TMC7: variants seen among roughly 807,000 people sequenced by gnomAD.
The protein encoded by TMC7 is transmembrane channel like 7.
In TMC7, 54 loss-of-function variants were observed where a neutral mutation model predicts 82.9. The observed-to-expected ratio is 0.65, with a 90% CI of 0.52 to 0.82. TMC7 has a LOEUF of 0.82. Ranked by LOEUF, TMC7 falls within the 40% of genes least tolerant of loss-of-function variation. TMC7 has a pLI of 0.00. For synonymous variants in TMC7, 350 were observed against 337.9 expected (o/e 1.04, Z -0.39); for missense variants, 820 against 901.2 (o/e 0.91, Z 1.15).
chr16:18,992,038 A>T (rs550693327), intron 1 of TMC7, among the ~76,000 whole-genome samples: 1 of 152,326 alleles, frequency 6.6e-6, no homozygotes, highest in Admixed American at 6.5e-5. Flanking sequence ...GCTATCGTGA[A>T]TAGTGCCACG....
chr16:19,028,350 C>T (rs547896075), intron 5 of TMC7, among the ~76,000 whole-genome samples: 1 of 151,434 alleles, frequency 6.6e-6, no homozygotes, highest in East Asian at 1.9e-4. Context: ...GCCTGGGCAA[C>T]ATGGCGAGAC....
Position 19,045,416 on chromosome 16 carries a change from C to A in TMC7, c.1531C>A (p.Leu511Ile). Reference protein sequence around the residue: ...FDFIIILAVTLFVDFPRKLLV... With the variant: ...FDFIIILAVTIFVDFPRKLLV... ...CTTCATCATCATCTTGGCTGTGACA[C>A]TCTTCGTGGATTTTCCTAGAAAGTA... The change falls in exon 11 of 16, where the codon CTC becomes ATC. Residue 511 changes from leucine to isoleucine, a missense_variant. Coordinates refer to ENST00000304381, the MANE Select transcript of TMC7 (RefSeq NM_024847.4). 1 of 1,613,800 alleles carries A rather than the reference C, an allele frequency of 6.2e-7. No homozygotes were observed. Among genetic ancestry groups the A allele is most frequent in the South Asian group, 1.1e-5 (1 of 91,070 alleles).
intron 1 of TMC7, chr16:18,984,597 T>C (rs1217673822): frequency 1.1e-6 from 1 of 875,878 alleles, no homozygotes; most frequent in Non-Finnish European, 1.4e-6. Flanking sequence ...TGGCTTGCCT[T>C]CTCTGAGCCT....
At chr16:18,986,056 A>T in intron 1 of TMC7, among the ~76,000 whole-genome samples, 1 of 150,904 alleles carries the variant, frequency 6.6e-6, no homozygotes, top group East Asian at 2.0e-4. Context: ...AGAGGTATGT[A>T]TCCTTCTAAA....
intron 1 of TMC7, among the ~76,000 whole-genome samples, chr16:19,000,432 A>G (rs1287154777): frequency 2.0e-5 from 3 of 151,978 alleles, no homozygotes; most frequent in African/African-American, 4.8e-5. Context: ...GCGCCACTGC[A>G]CCACTGCACT....
At chr16:18,995,106 C>T (rs2039021154) in intron 1 of TMC7, among the ~76,000 whole-genome samples, 1 of 152,034 alleles carries the variant, frequency 6.6e-6, no homozygotes, top group Non-Finnish European at 1.5e-5. Flanking sequence ...AATGTCTCAT[C>T]CTAATAAGAG....
intron 6 of TMC7, among the ~76,000 whole-genome samples, chr16:19,030,940 C>T (rs1344777188): frequency 1.3e-5 from 2 of 152,014 alleles, no homozygotes; most frequent in East Asian, 1.9e-4. Flanking sequence ...CATACCCCTT[C>T]CTTTGCTTAG....
Position 19,009,188 on chromosome 16 carries a change from C to T in TMC7, c.84C>T (p.Asp28=). Residue 28 remains aspartate, a synonymous_variant, in exon 2 of 16, where the codon GAC becomes GAT. Transcript: ENST00000304381. ...PAVHPENLSL[D]SSCFSSPPVN... is the part of the protein sequence containing the mutation. ...TTTACATAGAGAACCTCTCTCTAGACTCCAGTTGCTTCTCTTCTCCACCTG... is the reference window on the plus strand; with the variant it reads ...TTTACATAGAGAACCTCTCTCTAGATTCCAGTTGCTTCTCTTCTCCACCTG... The T allele has an allele frequency of 3.1e-6, 5 of 1,614,130 alleles. No individual in the cohort carries two copies. Among genetic ancestry groups the T allele is most frequent in the Non-Finnish European group, 3.4e-6 (4 of 1,180,000 alleles).
intron 3 of TMC7, among the ~76,000 whole-genome samples, chr16:19,018,758 A>C (rs1383428613): frequency 6.6e-6 from 1 of 152,208 alleles, no homozygotes; most frequent in Non-Finnish European, 1.5e-5. Context: ...TAACATAGTA[A>C]GATCCTGTCT....
chr16:19,036,514 G>GAA (rs768809502), intron 7 of TMC7, among the ~76,000 whole-genome samples: 2 of 121,020 alleles, frequency 1.7e-5, no homozygotes, highest in East Asian at 4.7e-4. Context: ...TCTCAAAAAA[G>GAA]AAAAAAAAAG....
chr16:19,004,942 ATCC>A (rs1365946765), intron 1 of TMC7, among the ~76,000 whole-genome samples: 4 of 152,024 alleles, frequency 2.6e-5, no homozygotes, highest in East Asian at 1.9e-4. Flanking sequence ...GGCTCAAGCA[ATCC>A]TCCTGCTTTA....
At position 19,009,286 on chromosome 16, in the gene TMC7, A is replaced by G; in HGVS notation, c.182A>G (p.Lys61Arg). ...AGAACGACTGTCCATTCCCGGGACA[A>G]GCAAAGCGGAACTTTGCTAAAGCCA... ...RRRTTVHSRD[K>R]QSGTLLKPTD... is the part of the protein sequence containing the mutation. The change falls in exon 2 of 16, where the codon AAG becomes AGG. Residue 61 changes from lysine to arginine, a missense_variant. Lys to Arg is a conservative substitution (Grantham distance 26). Coordinates refer to ENST00000304381, the MANE Select transcript of TMC7 (RefSeq NM_024847.4). 6.2e-7 allele frequency: 1 copy of G among 1,614,220 alleles called. No homozygotes were observed. Among genetic ancestry groups the G allele is most frequent in the East Asian group, 2.2e-5 (1 of 44,882 alleles).
chr16:19,047,350 C>A, intron 12 of TMC7, 101 bp downstream of exon 12: 49 of 882,314 alleles, frequency 5.6e-5, no homozygotes, highest in Middle Eastern at 3.7e-4. Context: ...TGAGACGTAT[C>A]AAAATTACAT....
rs144390908 is a variant in TMC7, at chr16:19,009,275, T to A, written c.171T>A (p.His57Gln). 340 of 1,614,144 alleles carry A rather than the reference T, an allele frequency of 2.1e-4. No individual in the cohort carries two copies. In the African/African-American group the frequency reaches 4.2e-3, roughly 20 times the overall value. ...RSIARRRTTV[H>Q]SRDKQSGTLL... Reference sequence around the variant, plus strand: ...TTGCACGTAGGAGAACGACTGTCCATTCCCGGGACAAGCAAAGCGGAACTT... The same window carrying A: ...TTGCACGTAGGAGAACGACTGTCCAATCCCGGGACAAGCAAAGCGGAACTT... Residue 57 changes from histidine (H) to glutamine (Q), a missense_variant, in exon 2 of 16, where the codon CAT becomes CAA. By Grantham distance (24) the His-to-Gln change is conservative. This residue lies in a region of TMC7 where 650 missense variants were observed against 669.9 expected (regional missense o/e 0.97). Coordinates refer to ENST00000304381, the MANE Select transcript of TMC7 (RefSeq NM_024847.4).
chr16:19,016,729 C>T, intron 3 of TMC7, 131 bp downstream of exon 3: 1 of 1,014,768 alleles, frequency 9.9e-7, no homozygotes, highest in Non-Finnish European at 1.4e-6. Context: ...AGCAACAAAC[C>T]ACAGCAAGGT....
intron 3 of TMC7, among the ~76,000 whole-genome samples, chr16:19,019,364 T>C (rs1959858975): frequency 6.6e-6 from 1 of 152,250 alleles, no homozygotes; most frequent in Admixed American, 6.5e-5. Flanking sequence ...AACATATTTC[T>C]AAAAGGCTTC....
intron 1 of TMC7, among the ~76,000 whole-genome samples, chr16:19,004,835 CTGT>C (rs1443594789): frequency 6.6e-6 from 1 of 151,650 alleles, no homozygotes; most frequent in Non-Finnish European, 1.5e-5. Flanking sequence ...AGTTATTAAT[CTGT>C]AACATGGAGA....
chr16:19,009,495 T>G (rs1310677076), intron 2 of TMC7, 80 bp downstream of exon 2: 2 of 1,496,528 alleles, frequency 1.3e-6, no homozygotes, highest in Non-Finnish European at 8.9e-7. Flanking sequence ...ATGCATTTCC[T>G]GAAGAGCTCA....
chr16:19,056,456 TAAC>T, intron 13 of TMC7, 83 bp from the exon 14 acceptor site: 1 of 1,495,666 alleles, frequency 6.7e-7, no homozygotes, highest in Non-Finnish European at 9.0e-7. Context: ...AGGCCATTGT[TAAC>T]AAAACATTCT....
Sources: allele counts gnomAD v4.1 joint callset (sites outside exome capture counted in the v4.1 genomes callset), GRCh38; gene constraint gnomAD v4.1.1; regional missense constraint gnomAD v4.1.1; transcripts MANE v1.5; gene names NCBI Gene and HGNC (gene_info 2026-07-23, HGNC 2026-07-21).